NRXN1: variants seen among roughly 807,000 people sequenced by gnomAD.
The protein encoded by NRXN1 is neurexin 1, also known as neurexin-1.
NRXN1 carries 39 observed loss-of-function variants against 150.9 expected under a neutral mutation model. That is an observed-to-expected ratio of 0.26 (90% CI 0.20 to 0.34). The LOEUF is 0.34. NRXN1 is among the 10% of genes least tolerant of loss of function. NRXN1 has a pLI of 1.00. For missense variants in NRXN1, 1,815 were observed against 1,949.9 expected (o/e 0.93, Z 1.30); for synonymous variants, 924 against 757.0 (o/e 1.22, Z -3.62).
intron 17 of NRXN1, among the ~76,000 whole-genome samples, chr2:50,455,611 T>C (rs1437900912): frequency 3.3e-5 from 5 of 152,146 alleles, no homozygotes; most frequent in Admixed American, 1.3e-4. Flanking sequence ...GAGGAAATGG[T>C]ATTTCTCTGA....
chr2:50,340,506 G>A (rs1297561363), intron 17 of NRXN1, among the ~76,000 whole-genome samples: 1 of 152,102 alleles, frequency 6.6e-6, no homozygotes, highest in Non-Finnish European at 1.5e-5. Context: ...GTGCACCTAA[G>A]TAAGCCACTC....
intron 21 of NRXN1, among the ~76,000 whole-genome samples, chr2:49,949,459 A>G (rs1673537784): frequency 6.6e-6 from 1 of 151,950 alleles, no homozygotes; most frequent in African/African-American, 2.4e-5. Context: ...ACATTCCAAG[A>G]CTTTATTCCT....
chr2:50,273,897 T>G (rs558195939), intron 17 of NRXN1, among the ~76,000 whole-genome samples: 43 of 152,210 alleles, frequency 2.8e-4, no homozygotes, highest in South Asian at 6.2e-4. Flanking sequence ...AGAGGATGTG[T>G]AGAAATGGGA....
At chr2:50,570,448 A>G (rs970265464) in intron 8 of NRXN1, among the ~76,000 whole-genome samples, 1 of 152,176 alleles carries the variant, frequency 6.6e-6, no homozygotes, top group African/African-American at 2.4e-5. Context: ...AAATCCAATA[A>G]TCTGCTCCTT....
intron 2 of NRXN1, among the ~76,000 whole-genome samples, chr2:50,995,323 C>T (rs1391647851): frequency 1.3e-5 from 2 of 151,946 alleles, no homozygotes; most frequent in East Asian, 1.9e-4. Flanking sequence ...GAGGACCAAA[C>T]GCAGTGGCTC....
At chr2:50,440,476 C>A (rs1310069988) in intron 17 of NRXN1, among the ~76,000 whole-genome samples, 1 of 151,312 alleles carries the variant, frequency 6.6e-6, no homozygotes, top group Non-Finnish European at 1.5e-5. Context: ...CTTATGAAGT[C>A]AAGATGAATA....
At chr2:50,342,285 T>G (rs1417717014) in intron 17 of NRXN1, among the ~76,000 whole-genome samples, 1 of 152,222 alleles carries the variant, frequency 6.6e-6, no homozygotes, top group Non-Finnish European at 1.5e-5. Flanking sequence ...CCAAAAATAG[T>G]AGCTGGCCAT....
intron 17 of NRXN1, among the ~76,000 whole-genome samples, chr2:50,402,381 T>G (rs2082449499): frequency 6.6e-6 from 1 of 152,126 alleles, no homozygotes; most frequent in South Asian, 2.1e-4. Context: ...GTAAAAACCT[T>G]TGCTTCAATG....
chr2:50,025,129 G>C (rs965804821), intron 21 of NRXN1, among the ~76,000 whole-genome samples: 1 of 152,144 alleles, frequency 6.6e-6, no homozygotes, highest in African/African-American at 2.4e-5. Context: ...GGCAAATTGG[G>C]GGTCGGCAGT....
chr2:51,013,703 T>C (rs1239190848), intron 2 of NRXN1, among the ~76,000 whole-genome samples: 1 of 152,070 alleles, frequency 6.6e-6, no homozygotes, highest in Non-Finnish European at 1.5e-5. Context: ...GGATCTCTAG[T>C]GATACAGATT....
intron 15 of NRXN1, among the ~76,000 whole-genome samples, chr2:50,484,790 TC>T (rs2090745884): frequency 6.6e-6 from 1 of 152,224 alleles, no homozygotes; most frequent in Admixed American, 6.5e-5. Context: ...AGTGGAAATA[TC>T]CAGTTCCTTT....
At chr2:50,994,395 T>C (rs930701701) in intron 2 of NRXN1, among the ~76,000 whole-genome samples, 2 of 151,986 alleles carry the variant, frequency 1.3e-5, no homozygotes, top group East Asian at 3.9e-4. Context: ...ATCCTCAAGT[T>C]TTCCAATTAT....
At chr2:50,507,750 A>C (rs1228284110) in intron 12 of NRXN1, among the ~76,000 whole-genome samples, 3 of 152,064 alleles carry the variant, frequency 2.0e-5, no homozygotes, top group African/African-American at 7.2e-5. Context: ...AGAAAAAATA[A>C]CATTAAAGAT....
intron 19 of NRXN1, among the ~76,000 whole-genome samples, chr2:50,057,166 T>A (rs1693784770): frequency 6.6e-6 from 1 of 152,152 alleles, no homozygotes; most frequent in Non-Finnish European, 1.5e-5. Context: ...TTAGTGAAAT[T>A]TGTAAGTACT....
intron 8 of NRXN1, among the ~76,000 whole-genome samples, chr2:50,595,739 C>T (rs921519477): frequency 6.6e-6 from 1 of 152,166 alleles, no homozygotes; most frequent in Non-Finnish European, 1.5e-5. Flanking sequence ...AGGCATAAGT[C>T]TCTCAGGTGT....
chr2:50,635,095 G>C (rs568603961), intron 5 of NRXN1, among the ~76,000 whole-genome samples: 53 of 152,226 alleles, frequency 3.5e-4, no homozygotes, highest in African/African-American at 1.1e-3. Context: ...GACTCAAAGG[G>C]ATATCTCCTT....
intron 5 of NRXN1, among the ~76,000 whole-genome samples, chr2:50,799,201 T>G (rs1207041247): frequency 6.6e-6 from 1 of 152,236 alleles, no homozygotes; most frequent in Non-Finnish European, 1.5e-5. Flanking sequence ...AATGAATTCA[T>G]CGGTCAATGG....
chr2:50,213,579 T>C (rs1293092953), intron 18 of NRXN1, among the ~76,000 whole-genome samples: 1 of 151,866 alleles, frequency 6.6e-6, no homozygotes, highest in Non-Finnish European at 1.5e-5. Context: ...TTCCACACTC[T>C]ACACAAAGGA....
chr2:50,311,772 G>T (rs1228847442), intron 17 of NRXN1, among the ~76,000 whole-genome samples: 1 of 152,064 alleles, frequency 6.6e-6, no homozygotes, highest in Non-Finnish European at 1.5e-5. Context: ...TGTTTGCAGG[G>T]ATATTTAGCT....
Sources: allele counts gnomAD v4.1 joint callset (sites outside exome capture counted in the v4.1 genomes callset), GRCh38; gene constraint gnomAD v4.1.1; transcripts MANE v1.5; gene names NCBI Gene and HGNC (gene_info 2026-07-23, HGNC 2026-07-21).